RAB23: variants seen among roughly 807,000 people sequenced by gnomAD.
RAB23 encodes the protein RAB23, member RAS oncogene family.
A neutral mutation model predicts 30.0 loss-of-function variants in RAB23; 15 were observed. That is an observed-to-expected ratio of 0.50 (90% CI 0.33 to 0.77). The LOEUF is 0.77. Ranked by LOEUF, RAB23 falls within the 30% of genes least tolerant of loss-of-function variation. The pLI is 0.02. For synonymous variants in RAB23, 93 were observed against 94.0 expected (o/e 0.99, Z 0.06); for missense variants, 243 against 275.4 (o/e 0.88, Z 0.83).
At chr6:57,212,947 G>A (rs1034942822) in intron 1 of RAB23, among the ~76,000 whole-genome samples, 7 of 151,934 alleles carry the variant, frequency 4.6e-5, no homozygotes, top group Non-Finnish European at 8.8e-5. Context: ...CTGAGTATAC[G>A]ATCAGATGGT....
At chr6:57,216,511 T>C (rs1765841976) in intron 1 of RAB23, among the ~76,000 whole-genome samples, 3 of 152,282 alleles carry the variant, frequency 2.0e-5, no homozygotes, top group Admixed American at 1.3e-4. Flanking sequence ...AACATCAACA[T>C]GTCACAGGGC....
intron 6 of RAB23, among the ~76,000 whole-genome samples, chr6:57,192,199 AC>A (rs1764866151): frequency 6.6e-6 from 1 of 152,184 alleles, no homozygotes; most frequent in African/African-American, 2.4e-5. Flanking sequence ...CTTATACTAA[AC>A]CAGTAAAAAA....
chr6:57,193,696 C>A, intron 6 of RAB23, 146 bp downstream of exon 6: 1 of 1,169,482 alleles, frequency 8.6e-7, no homozygotes, highest in Non-Finnish European at 1.2e-6. Flanking sequence ...CACAATATAC[C>A]TTTTAACAAG....
chr6:57,190,431 G>A lies in RAB23; in HGVS notation c.*30C>T, dbSNP rs1764794229. The stretch of plus-strand genomic sequence containing the variant: ...TGGGTTTCTTAATGCATTGCACAAT[G>A]TAATTCAATTGTTTTCCTCCCAAAA... On this transcript the variant is annotated 3_prime_UTR_variant, in exon 7 of 7. Coordinates refer to ENST00000468148, the MANE Select transcript of RAB23 (RefSeq NM_016277.5). 3 of 1,612,006 alleles carry A rather than the reference G, an allele frequency of 1.9e-6. No individual in the cohort carries two copies. The highest frequency in any genetic ancestry group is 2.5e-6 in the Non-Finnish European group (3 of 1,178,254).
intron 1 of RAB23, among the ~76,000 whole-genome samples, chr6:57,219,185 G>A (rs1765960829): frequency 6.6e-6 from 1 of 152,146 alleles, no homozygotes; most frequent in South Asian, 2.1e-4. Flanking sequence ...GTATTTCTGT[G>A]TACAAACAAT....
intron 1 of RAB23, among the ~76,000 whole-genome samples, chr6:57,217,212 G>GTA (rs1765877924): frequency 8.3e-6 from 1 of 120,372 alleles, no homozygotes; most frequent in Admixed American, 8.3e-5. Flanking sequence ...TACAAGGAAA[G>GTA]CAAAAAAAAA....
chr6:57,198,525 A>G (rs1765115295), intron 3 of RAB23, among the ~76,000 whole-genome samples: 1 of 151,976 alleles, frequency 6.6e-6, no homozygotes, highest in Non-Finnish European at 1.5e-5. Context: ...TACAAAAAAT[A>G]CAAAAATCAG....
At chr6:57,214,830 A>G (rs995773717) in intron 1 of RAB23, among the ~76,000 whole-genome samples, 3 of 152,206 alleles carry the variant, frequency 2.0e-5, no homozygotes, top group Non-Finnish European at 4.4e-5. Flanking sequence ...TTAAATGCAA[A>G]AGACAATCAA....
intron 3 of RAB23, among the ~76,000 whole-genome samples, chr6:57,206,789 T>C (rs1297143268): frequency 6.6e-6 from 1 of 152,184 alleles, no homozygotes; most frequent in Non-Finnish European, 1.5e-5. Context: ...CAAGTTTTAA[T>C]TACAACACGG....
Position 57,209,632 on chromosome 6 carries a change from G to A in RAB23, c.155+594C>T, listed in dbSNP as rs183552861. ...GTATTTGGGTAACACATTTTAGTTT[G>A]TCTGCTACAATTTAAAATATACTTA... On this transcript the variant is annotated intron_variant, in intron 2 of 6. Coordinates refer to ENST00000468148, the MANE Select transcript of RAB23 (RefSeq NM_016277.5). 5.9e-4 allele frequency among the ~76,000 whole-genome samples: 90 copies of A among 152,238 alleles called. 2 individuals carry two copies. In the East Asian group the frequency reaches 0.012, roughly 20 times the overall value.
In RAB23 at chr6:57,190,537, T is replaced by G; in HGVS notation, c.638A>C (p.Asp213Ala). The G allele has an allele frequency of 6.2e-7, 1 of 1,613,796 alleles. No homozygotes were observed. The highest frequency in any genetic ancestry group is 1.1e-5 in the South Asian group (1 of 91,078). The change falls in exon 7 of 7, where the codon GAT becomes GCT. Residue 213 changes from aspartate to alanine, a missense_variant. Coordinates refer to ENST00000468148, the MANE Select transcript of RAB23 (RefSeq NM_016277.5). ...GQNSGTLNGG[D>A]VINLRPNKQR... ...TTTGTTGGGTCTAAGATTGATGACA[T>G]CTCCACCATTGAGGGTACCTGAATT...
At chr6:57,214,098 T>C (rs997099858) in intron 1 of RAB23, among the ~76,000 whole-genome samples, 1 of 152,032 alleles carries the variant, frequency 6.6e-6, no homozygotes, top group African/African-American at 2.4e-5. Context: ...ACCAATTCAG[T>C]CATCCCTACC....
At position 57,189,670 on chromosome 6, in the gene RAB23, T is replaced by C. The variant is rs1441684336; in HGVS notation, c.*791A>G. On this transcript the variant is annotated 3_prime_UTR_variant, in exon 7 of 7. Coordinates refer to ENST00000468148, the MANE Select transcript of RAB23 (RefSeq NM_016277.5). Reference sequence around the variant, plus strand: ...ATCTACGCTGTCAGATGAAAACTGCTTACTGCTTTTAAAAGATATAATAAA... The same window carrying C: ...ATCTACGCTGTCAGATGAAAACTGCCTACTGCTTTTAAAAGATATAATAAA... The C allele has an allele frequency of 6.6e-6, 1 of 152,634 alleles. No homozygotes were observed. The highest frequency in any genetic ancestry group is 2.4e-5 in the African/African-American group (1 of 41,436). 9.5% of individuals were successfully genotyped at this position (152,634 alleles called of 1,614,324 possible). A position where few individuals can be genotyped will look rare whatever the true frequency, so the allele number is the denominator to read the frequency against.
chr6:57,218,358 A>T (rs1765924294), intron 1 of RAB23, among the ~76,000 whole-genome samples: 1 of 152,256 alleles, frequency 6.6e-6, no homozygotes, highest in Admixed American at 6.5e-5. Flanking sequence ...ATACACTGCA[A>T]CCAAGTGGAC....
chr6:57,216,082 TTAGA>T (rs1311169497), intron 1 of RAB23, among the ~76,000 whole-genome samples: 1 of 152,216 alleles, frequency 6.6e-6, no homozygotes, highest in Non-Finnish European at 1.5e-5. Flanking sequence ...TTAAATATGT[TTAGA>T]TACACAAATA....
At chr6:57,206,234 T>C (rs1260808999) in intron 3 of RAB23, among the ~76,000 whole-genome samples, 1 of 151,822 alleles carries the variant, frequency 6.6e-6, no homozygotes, top group Non-Finnish European at 1.5e-5. Flanking sequence ...AAAACTAAGC[T>C]GAAGAAGGAA....
At position 57,187,075 on chromosome 6, in the gene RAB23, C is replaced by T. The variant is rs367604309; in HGVS notation, c.*3386G>A. On this transcript the variant is annotated 3_prime_UTR_variant, in exon 7 of 7. Transcript: ENST00000468148. Reference sequence around the variant, plus strand: ...TTAGAGTAGTGTTTTAAATTAAGCTCCAGAGTGTAACTGCAACCAAATAGC... The same window carrying T: ...TTAGAGTAGTGTTTTAAATTAAGCTTCAGAGTGTAACTGCAACCAAATAGC... 3.5e-4 allele frequency: 53 copies of T among 152,182 alleles called. No homozygotes were observed. The highest frequency in any genetic ancestry group is 3.3e-3 in the East Asian group (17 of 5,186). 9.4% of individuals were successfully genotyped at this position (152,182 alleles called of 1,614,324 possible).
Position 57,211,231 on chromosome 6 carries a change from G to A in RAB23, c.-65-786C>T, listed in dbSNP as rs573433273. 7.2e-5 allele frequency among the ~76,000 whole-genome samples: 11 copies of A among 152,174 alleles called. No individual in the cohort carries two copies. In the South Asian group the frequency reaches 1.9e-3, roughly 26 times the overall value. Reference sequence around the variant, plus strand: ...TTTGGGAGGCTGAGGCAAGAGGATCGCTTGAAGCCAGGAGTTTGAGACTAG... The same window carrying A: ...TTTGGGAGGCTGAGGCAAGAGGATCACTTGAAGCCAGGAGTTTGAGACTAG... On this transcript the variant is annotated intron_variant, in intron 1 of 6. Coordinates refer to ENST00000468148, the MANE Select transcript of RAB23 (RefSeq NM_016277.5).
Position 57,207,678 on chromosome 6 carries a change from T to A in RAB23, c.191A>T (p.Asp64Val), listed in dbSNP as rs1384951730. 6.2e-7 allele frequency: 1 copy of A among 1,605,282 alleles called. No homozygotes were observed. Residue 64 changes from aspartate to valine, a missense_variant, in exon 3 of 7, where the codon GAC becomes GTC. Transcript: ENST00000468148. ...NDEDVRLMLW[D>V]TAGQEEFDAI... ...ATCAAATTCCTCCTGACCTGCAGTG[T>A]CCCATAACATTAGTCTGACATCTTC...
Sources: allele counts gnomAD v4.1 joint callset (sites outside exome capture counted in the v4.1 genomes callset), GRCh38; gene constraint gnomAD v4.1.1; transcripts MANE v1.5; gene names NCBI Gene and HGNC (gene_info 2026-07-23, HGNC 2026-07-21).